ZNF804A: variants seen among roughly 807,000 people sequenced by gnomAD.
The protein encoded by ZNF804A is zinc finger protein 804A.
ZNF804A carries 2 observed loss-of-function variants against 16.5 expected under a neutral mutation model. That is an observed-to-expected ratio of 0.12 (90% CI 0.05 to 0.38). The LOEUF (loss-of-function observed/expected upper bound fraction) is 0.38. Among genes scored for constraint, ZNF804A ranks in the 10% least tolerant of loss-of-function variants. The probability of loss-of-function intolerance (pLI) is 0.99; values close to 1 mark genes in which losing one functional copy is unlikely to be tolerated. For missense variants in ZNF804A, 1,473 were observed against 1,390.7 expected, an observed-to-expected ratio of 1.06 and a Z score of -0.94; for synonymous variants, 534 against 489.6, an observed-to-expected ratio of 1.09 and a Z score of -1.20.
At chr2:184,736,817 T>C (rs759141979) in intron 1 of ZNF804A, among the ~76,000 whole-genome samples, 1 of 151,960 alleles carries the variant, frequency 6.6e-6, no homozygotes, top group Non-Finnish European at 1.5e-5. Flanking sequence ...AAATAATAAG[T>C]TTTTTCTCTT....
intron 1 of ZNF804A, among the ~76,000 whole-genome samples, chr2:184,816,728 A>AC (rs1433392034): frequency 6.6e-6 from 1 of 151,858 alleles, no homozygotes; most frequent in Non-Finnish European, 1.5e-5. Context: ...TTGTCTCATC[A>AC]TGCTGTTTCT....
intron 2 of ZNF804A, among the ~76,000 whole-genome samples, chr2:184,885,925 G>C (rs1684881433): frequency 6.6e-6 from 1 of 152,042 alleles, no homozygotes; most frequent in African/African-American, 2.4e-5. Context: ...TTCCAACCGT[G>C]GCCTCTCCAA....
At chr2:184,720,750 C>CA (rs1693299577) in intron 1 of ZNF804A, among the ~76,000 whole-genome samples, 1 of 152,010 alleles carries the variant, frequency 6.6e-6, no homozygotes, top group South Asian at 2.1e-4. Flanking sequence ...AGAGATAGAA[C>CA]AAAAAAATTC....
chr2:184,698,976 C>T (rs1037853590), intron 1 of ZNF804A, among the ~76,000 whole-genome samples: 1 of 151,982 alleles, frequency 6.6e-6, no homozygotes, highest in African/African-American at 2.4e-5. Context: ...ATTTACTGGA[C>T]CAACCGTGCC....
intron 1 of ZNF804A, among the ~76,000 whole-genome samples, chr2:184,638,432 A>G (rs1269058091): frequency 6.6e-6 from 1 of 152,156 alleles, no homozygotes; most frequent in Admixed American, 6.5e-5. Context: ...AGGATCTTTC[A>G]TTCTCAGAGA....
At chr2:184,870,419 T>A (rs1365612635) in intron 2 of ZNF804A, among the ~76,000 whole-genome samples, 2 of 152,076 alleles carry the variant, frequency 1.3e-5, no homozygotes, top group South Asian at 4.1e-4. Flanking sequence ...CAACTTAGTT[T>A]ATAATGCTTT....
At chr2:184,814,006 T>G (rs1423746845) in intron 1 of ZNF804A, among the ~76,000 whole-genome samples, 4 of 133,710 alleles carry the variant, frequency 3.0e-5, no homozygotes, top group African/African-American at 1.1e-4. Flanking sequence ...TTTTTTTTTT[T>G]TTTTTTTTTT....
At chr2:184,599,130 G>T in intron 1 of ZNF804A, 60 bp downstream of exon 1, 3 of 1,313,052 alleles carry the variant, frequency 2.3e-6, no homozygotes, top group Non-Finnish European at 3.3e-6. Flanking sequence ...TTGGAAGATT[G>T]AGTTTTTGGA....
intron 1 of ZNF804A, among the ~76,000 whole-genome samples, chr2:184,855,108 T>C (rs1224183102): frequency 6.6e-6 from 1 of 152,066 alleles, no homozygotes; most frequent in African/African-American, 2.4e-5. Flanking sequence ...TGTCTTGGTG[T>C]TATTGCTCTG....
At chr2:184,841,309 T>A (rs1695433237) in intron 1 of ZNF804A, among the ~76,000 whole-genome samples, 1 of 152,184 alleles carries the variant, frequency 6.6e-6, no homozygotes, top group South Asian at 2.1e-4. Flanking sequence ...AAATATCTTC[T>A]AACTAAATAT....
intron 1 of ZNF804A, among the ~76,000 whole-genome samples, chr2:184,796,686 T>C (rs1694633591): frequency 6.6e-6 from 1 of 152,130 alleles, no homozygotes; most frequent in Non-Finnish European, 1.5e-5. Context: ...TGGTTTCTTC[T>C]TGTTTCTCTA....
At chr2:184,693,690 G>A (rs1318271192) in intron 1 of ZNF804A, among the ~76,000 whole-genome samples, 3 of 151,956 alleles carry the variant, frequency 2.0e-5, no homozygotes, top group Non-Finnish European at 4.4e-5. Flanking sequence ...ATGTGCCTAT[G>A]CATTATTTTT....
At chr2:184,776,504 G>A (rs1358925869) in intron 1 of ZNF804A, among the ~76,000 whole-genome samples, 1 of 149,524 alleles carries the variant, frequency 6.7e-6, no homozygotes, top group Non-Finnish European at 1.5e-5. Flanking sequence ...GTAAACCTCT[G>A]TGTAAAAGTT....
intron 1 of ZNF804A, among the ~76,000 whole-genome samples, chr2:184,612,945 G>T (rs1026698964): frequency 3.3e-5 from 5 of 152,162 alleles, no homozygotes; most frequent in African/African-American, 1.2e-4. Flanking sequence ...GCAACAGCTA[G>T]CATTATATAA....
chr2:184,747,088 G>A (rs1693800179), intron 1 of ZNF804A, among the ~76,000 whole-genome samples: 1 of 150,888 alleles, frequency 6.6e-6, no homozygotes, highest in South Asian at 2.1e-4. Flanking sequence ...TTATTAGTTA[G>A]CAATATTTTG....
Position 184,685,043 on chromosome 2 carries a change from C to T in ZNF804A, c.111+85973C>T, listed in dbSNP as rs149667260. 3.2e-3 allele frequency among the ~76,000 whole-genome samples: 494 copies of T among 152,242 alleles called. 3 individuals carry two copies. Among genetic ancestry groups the T allele is most frequent in the Middle Eastern group, 6.8e-3 (2 of 294 alleles). On this transcript the variant is annotated intron_variant, in intron 1 of 3. Transcript: ENST00000302277. ...TCAGCTCGTGTAACCAGCCTGGATC[C>T]TACACCTGCCAAGATTGAGGGAGGC... is the stretch of plus-strand genomic sequence containing the variant.
chr2:184,681,443 A>G (rs1692537867), intron 1 of ZNF804A, among the ~76,000 whole-genome samples: 1 of 152,262 alleles, frequency 6.6e-6, no homozygotes, highest in Non-Finnish European at 1.5e-5. Context: ...TTCTTGTGCA[A>G]AAGTAGCATA....
chr2:184,632,147 T>A (rs938619676), intron 1 of ZNF804A, among the ~76,000 whole-genome samples: 3 of 147,790 alleles, frequency 2.0e-5, no homozygotes, highest in Non-Finnish European at 3.0e-5. Flanking sequence ...ATGATACAGC[T>A]TTTTTTTTTG....
At chr2:184,639,869 G>A (rs943526896) in intron 1 of ZNF804A, among the ~76,000 whole-genome samples, 2 of 152,088 alleles carry the variant, frequency 1.3e-5, no homozygotes, top group Non-Finnish European at 2.9e-5. Flanking sequence ...AGGCGAGGGG[G>A]CAGGTGCCTG....
Sources: allele counts gnomAD v4.1 joint callset (sites outside exome capture counted in the v4.1 genomes callset), GRCh38; gene constraint gnomAD v4.1.1; transcripts MANE v1.5; gene names NCBI Gene and HGNC (gene_info 2026-07-23, HGNC 2026-07-21).